Variants in RIMKLB observed in about 807,000 individuals in gnomAD.
RIMKLB encodes ribosomal modification protein rimK like family member B.
Under a neutral mutation model 32.0 loss-of-function variants are expected in RIMKLB, and 7 were observed. That is an observed-to-expected ratio of 0.22 (90% CI 0.12 to 0.41). The LOEUF is 0.41. Ranked by LOEUF, RIMKLB falls within the 10% of genes least tolerant of loss-of-function variation. The pLI is 1.00. For missense variants in RIMKLB, 289 were observed against 498.7 expected, an observed-to-expected ratio of 0.58 and a Z score of 4.00; for synonymous variants, 172 against 185.1, an observed-to-expected ratio of 0.93 and a Z score of 0.57.
intron 1 of RIMKLB, among the ~76,000 whole-genome samples, chr12:8,683,322 G>C (rs369186070): frequency 2.6e-5 from 4 of 152,092 alleles, no homozygotes; most frequent in African/African-American, 9.7e-5. Flanking sequence ...GTTTAGTTTT[G>C]TAAGAAACCA....
chr12:8,749,710 T>A, intron 2 of RIMKLB, 152 bp from the exon 3 acceptor site: 1 of 566,816 alleles, frequency 1.8e-6, no homozygotes, highest in Non-Finnish European at 3.1e-6. Context: ...TCTAATTAAA[T>A]TTTCTTTTTT....
intron 1 of RIMKLB, among the ~76,000 whole-genome samples, chr12:8,708,030 A>G (rs1380381599): frequency 1.3e-5 from 2 of 152,230 alleles, no homozygotes; most frequent in East Asian, 3.8e-4. Context: ...ATAGAATTCT[A>G]TACAGATTCC....
At chr12:8,744,122 G>C (rs941447384) in intron 2 of RIMKLB, among the ~76,000 whole-genome samples, 1 of 151,918 alleles carries the variant, frequency 6.6e-6, no homozygotes, top group African/African-American at 2.4e-5. Flanking sequence ...TAAGCTCTAC[G>C]TCAAAGGCAT....
chr12:8,745,550 A>T, intron 2 of RIMKLB, among the ~76,000 whole-genome samples: 1 of 151,182 alleles, frequency 6.6e-6, no homozygotes, highest in Non-Finnish European at 1.5e-5. Context: ...ATGAGCCACC[A>T]TGCCTGGCTA....
chr12:8,765,777 G>C (rs959836294), intron 5 of RIMKLB, among the ~76,000 whole-genome samples: 2 of 151,964 alleles, frequency 1.3e-5, no homozygotes, highest in African/African-American at 4.8e-5. Context: ...GGGGACACCG[G>C]GATAGGGAGG....
At chr12:8,680,901 A>C (rs1468649572), upstream of RIMKLB, among the ~76,000 whole-genome samples, 1 of 152,194 alleles carries the variant, frequency 6.6e-6, no homozygotes, top group African/African-American at 2.4e-5. Flanking sequence ...TAAAAGATCC[A>C]TCTAAAGGAA....
intron 5 of RIMKLB, among the ~76,000 whole-genome samples, chr12:8,763,154 T>G (rs908793597): frequency 5.3e-5 from 8 of 152,280 alleles, no homozygotes. Context: ...AGACTGCTAC[T>G]GCTGCCACTG....
At chr12:8,714,347 C>T (rs1169322311) in intron 2 of RIMKLB, among the ~76,000 whole-genome samples, 2 of 152,076 alleles carry the variant, frequency 1.3e-5, no homozygotes, top group African/African-American at 4.8e-5. Flanking sequence ...AGTTCGAGTC[C>T]AGCCTGGGCA....
chr12:8,701,301 G>A (rs1343533635), intron 1 of RIMKLB, among the ~76,000 whole-genome samples: 6 of 152,094 alleles, frequency 3.9e-5, no homozygotes, highest in Admixed American at 2.6e-4. Flanking sequence ...AAGTATCTAC[G>A]TAATACATTT....
chr12:8,696,811 A>G (rs1942906690), upstream of RIMKLB, among the ~76,000 whole-genome samples: 1 of 152,202 alleles, frequency 6.6e-6, no homozygotes, highest in Non-Finnish European at 1.5e-5. Flanking sequence ...GGAGCAGTGA[A>G]AAGTTGTTGG....
At chr12:8,723,110 G>C (rs1217579651) in intron 2 of RIMKLB, among the ~76,000 whole-genome samples, 2 of 152,194 alleles carry the variant, frequency 1.3e-5, no homozygotes, top group African/African-American at 4.8e-5. Context: ...TTTGGCACAA[G>C]AGGTCTAGTT....
downstream of RIMKLB, chr12:8,780,396 A>G (rs1950962664): frequency 6.6e-6 from 1 of 152,234 alleles, no homozygotes; most frequent in African/African-American, 2.4e-5. Flanking sequence ...AACATGGATC[A>G]TACAGTGTTT....
intron 1 of RIMKLB, among the ~76,000 whole-genome samples, chr12:8,701,439 C>T (rs1943387499): frequency 6.7e-6 from 1 of 150,046 alleles, no homozygotes; most frequent in Non-Finnish European, 1.5e-5. Context: ...TTTTTTTTTC[C>T]CCTCTCAAAA....
rs773678189 is a variant in RIMKLB, at chr12:8,702,008, T to TAA, written c.-57+3724_-57+3725dup. On this transcript the variant is annotated intron_variant, in intron 1 of 5. Coordinates refer to ENST00000535829, the MANE Select transcript of RIMKLB (RefSeq NM_001297776.2). The stretch of plus-strand genomic sequence containing the variant: ...GTCAAAGAGCAAGACTCCATCTCAA[T>TAA]AAAAAAAAAAAAAATAGATCTTATG... 2.2e-3 allele frequency among the ~76,000 whole-genome samples: 307 copies of TAA among 137,770 alleles called. 1 individual carries two copies. Among genetic ancestry groups the TAA allele is most frequent in the African/African-American group, 7.6e-3 (288 of 37,898 alleles). The allele number at this position is 137,770 out of a possible 152,430, so 90.4% of individuals were successfully genotyped here.
intron 1 of RIMKLB, among the ~76,000 whole-genome samples, chr12:8,688,796 G>A (rs1309154410): frequency 1.3e-5 from 2 of 151,824 alleles, no homozygotes; most frequent in Non-Finnish European, 2.9e-5. Context: ...TTGTGTGTGT[G>A]ATTAAAATAA....
upstream of RIMKLB, among the ~76,000 whole-genome samples, chr12:8,681,239 A>G (rs1488414337): frequency 6.6e-6 from 1 of 152,108 alleles, no homozygotes; most frequent in East Asian, 1.9e-4. Context: ...TACTAGGATT[A>G]CAGACATGAG....
chr12:8,687,820 G>GA (rs752174507), intron 1 of RIMKLB, among the ~76,000 whole-genome samples: 21,208 of 73,000 alleles, frequency 0.29, 2,169 homozygotes, highest in Middle Eastern at 0.43. Context: ...AAGTCAGGAA[G>GA]AAAAAAAAAA....
At chr12:8,698,822 A>T (rs1439870) in intron 1 of RIMKLB, among the ~76,000 whole-genome samples, 50,125 of 151,778 alleles carry the variant, frequency 0.33, 8,478 homozygotes, top group South Asian at 0.51. Context: ...AATTTTAGAG[A>T]GTGTGACAGT....
At chr12:8,729,671 T>A (rs1415401385) in intron 2 of RIMKLB, among the ~76,000 whole-genome samples, 1 of 152,162 alleles carries the variant, frequency 6.6e-6, no homozygotes, top group Non-Finnish European at 1.5e-5. Context: ...ACCAGGGATC[T>A]GCCCTCTTTT....
Sources: allele counts gnomAD v4.1 joint callset (sites outside exome capture counted in the v4.1 genomes callset), GRCh38; gene constraint gnomAD v4.1.1; transcripts MANE v1.5; gene names NCBI Gene and HGNC (gene_info 2026-07-23, HGNC 2026-07-21).